NF1: variants seen among roughly 807,000 people sequenced by gnomAD.
NF1 encodes the protein neurofibromin 1.
Under a neutral mutation model 325.7 loss-of-function variants are expected in NF1, and 122 were observed. The ratio of observed to expected loss-of-function variants is 0.37; its 90% CI spans 0.32 to 0.44. The LOEUF (loss-of-function observed/expected upper bound fraction) is 0.44. Among genes scored for constraint, NF1 ranks in the 20% least tolerant of loss-of-function variants. The pLI, the probability that NF1 is intolerant of heterozygous loss-of-function variation, is 1.00. For synonymous variants in NF1, 1,091 were observed against 1,186.0 expected (o/e 0.92, Z 1.65); for missense variants, 2,140 against 3,415.4 (o/e 0.63, Z 9.31).
At chr17:31,319,737 T>G (rs2069128851) in intron 36 of NF1, among the ~76,000 whole-genome samples, 1 of 142,040 alleles carries the variant, frequency 7.0e-6, no homozygotes, top group Admixed American at 7.2e-5. Context: ...ACCAGTTTTC[T>G]CAACCTAAAA....
At chr17:31,143,193 A>G (rs907282574) in intron 1 of NF1, among the ~76,000 whole-genome samples, 1 of 152,060 alleles carries the variant, frequency 6.6e-6, no homozygotes, top group African/African-American at 2.4e-5. Context: ...TTATTAAATT[A>G]TTCTTTAGTA....
At chr17:31,288,295 T>G (rs2151491987) in intron 36 of NF1, among the ~76,000 whole-genome samples, 1 of 152,218 alleles carries the variant, frequency 6.6e-6, no homozygotes, top group Non-Finnish European at 1.5e-5. Context: ...TCTTAACAGT[T>G]GATCTTCTTA....
intron 36 of NF1, among the ~76,000 whole-genome samples, chr17:31,265,569 T>A (rs2067772263): frequency 6.6e-6 from 1 of 151,972 alleles, no homozygotes. Flanking sequence ...CTACATCATT[T>A]TTTAAAATAC....
intron 36 of NF1, among the ~76,000 whole-genome samples, chr17:31,273,342 C>T (rs2067939890): frequency 6.6e-6 from 1 of 152,124 alleles, no homozygotes. Context: ...CAATAACAAA[C>T]TAGAGAAGTT....
chr17:31,358,555 T>A lies in NF1; in HGVS notation c.8046T>A (p.His2682Gln), dbSNP rs1184642602. The A allele has an allele frequency of 6.2e-7, 1 of 1,614,018 alleles. No individual in the cohort carries two copies. ...CQDPNLLNPI[H>Q]GIVQSVVYHE... Reference sequence around the variant, plus strand: ...ATCCAAATTTGTTAAATCCAATCCATGGAATTGTGCAGAGTGTGGTGTACC... The same window carrying A: ...ATCCAAATTTGTTAAATCCAATCCAAGGAATTGTGCAGAGTGTGGTGTACC... The change falls in exon 55 of 58, where the codon CAT (histidine) becomes CAA (glutamine). Residue 2682 changes from histidine (H) to glutamine (Q), a missense_variant. By Grantham distance (24) the His-to-Gln change is conservative. Coordinates refer to ENST00000358273, the MANE Select transcript of NF1 (RefSeq NM_001042492.3).
At chr17:31,225,405 T>G (rs1213951638) in intron 17 of NF1, among the ~76,000 whole-genome samples, 155 bp downstream of exon 17, 1 of 152,180 alleles carries the variant, frequency 6.6e-6, no homozygotes, top group East Asian at 1.9e-4. Flanking sequence ...TTTGGGCAAG[T>G]TCTTAACATC....
intron 3 of NF1, among the ~76,000 whole-genome samples, chr17:31,161,937 GAGGC>G (rs2065767737): frequency 6.7e-6 from 1 of 148,998 alleles, no homozygotes; most frequent in South Asian, 2.1e-4. Context: ...TTGGGAGGCT[GAGGC>G]AGGAGAACCA....
chr17:31,324,553 C>T (rs989309957), intron 36 of NF1, among the ~76,000 whole-genome samples: 1 of 151,956 alleles, frequency 6.6e-6, no homozygotes, highest in Non-Finnish European at 1.5e-5. Flanking sequence ...TCTAACAATA[C>T]ATATATTATT....
At chr17:31,207,204 G>A (rs2066639974) in intron 12 of NF1, among the ~76,000 whole-genome samples, 1 of 152,076 alleles carries the variant, frequency 6.6e-6, no homozygotes, top group Non-Finnish European at 1.5e-5. Flanking sequence ...CTGTAAGTAT[G>A]ACCCATTGTA....
intron 36 of NF1, among the ~76,000 whole-genome samples, chr17:31,313,174 A>C (rs1422778599): frequency 6.6e-6 from 1 of 152,168 alleles, no homozygotes; most frequent in Non-Finnish European, 1.5e-5. Flanking sequence ...TTTTCTTTCT[A>C]AATTAAGTGA....
Position 31,217,067 on chromosome 17 carries a change from C to T in NF1, c.1528-1938C>T, listed in dbSNP as rs367732074. ...CTGATTATTTCATTGATGATATCTT[C>T]CCCCATGAGACTACATGCTCATGGA... On this transcript the variant is annotated intron_variant, in intron 13 of 57. Coordinates refer to ENST00000358273, the MANE Select transcript of NF1 (RefSeq NM_001042492.3). Among the ~76,000 whole-genome samples, 673 of 152,198 alleles carry T rather than the reference C, an allele frequency of 4.4e-3. 10 individuals are homozygous for T. The highest frequency in any genetic ancestry group is 0.017 in the Middle Eastern group (5 of 294).
intron 11 of NF1, among the ~76,000 whole-genome samples, chr17:31,205,978 G>A (rs1047727968): frequency 2.6e-5 from 4 of 151,352 alleles, no homozygotes; most frequent in South Asian, 2.1e-4. Flanking sequence ...GCTAATCATC[G>A]AGAAAAGATG....
At chr17:31,273,475 T>G (rs1046366274) in intron 36 of NF1, 2 of 152,372 alleles carry the variant, frequency 1.3e-5, no homozygotes, top group African/African-American at 4.8e-5. Context: ...AACTTAAGTC[T>G]GTGACTTAAA....
At chr17:31,217,696 C>T (rs1055259699) in intron 13 of NF1, among the ~76,000 whole-genome samples, 29 of 151,624 alleles carry the variant, frequency 1.9e-4, no homozygotes, top group African/African-American at 2.4e-5. Context: ...AGGGCGTGGT[C>T]GCTCACATCT....
At chr17:31,265,488 G>A (rs930376215) in intron 36 of NF1, 149 bp downstream of exon 36, 26 of 628,090 alleles carry the variant, frequency 4.1e-5, no homozygotes, top group African/African-American at 3.0e-4. Context: ...AATAGCCTGC[G>A]TTTCCTAAAA....
intron 36 of NF1, among the ~76,000 whole-genome samples, chr17:31,308,632 G>A (rs971923385): frequency 3.7e-5 from 4 of 108,592 alleles, no homozygotes; most frequent in Non-Finnish European, 9.7e-5. Flanking sequence ...TCTCAAGGGT[G>A]TTCTTTTTTT....
chr17:31,285,277 T>TAAA (rs36047376), intron 36 of NF1, among the ~76,000 whole-genome samples: 4,217 of 120,750 alleles, frequency 0.035, 255 homozygotes, highest in African/African-American at 0.12. Flanking sequence ...AGATTCTGTT[T>TAAA]AAAAAAAAAA....
intron 30 of NF1, chr17:31,250,216 G>T: frequency 3.1e-6 from 1 of 321,224 alleles, no homozygotes; most frequent in Non-Finnish European, 6.0e-6. Context: ...GGAAACTTAG[G>T]AAAATCCTGT....
chr17:31,148,394 CTTTT>C (rs71142023), intron 1 of NF1, among the ~76,000 whole-genome samples: 1 of 134,420 alleles, frequency 7.4e-6, no homozygotes, highest in Non-Finnish European at 1.6e-5. Flanking sequence ...GTCATTATGT[CTTTT>C]TTTTTTTTTT....
Sources: allele counts gnomAD v4.1 joint callset (sites outside exome capture counted in the v4.1 genomes callset), GRCh38; gene constraint gnomAD v4.1.1; transcripts MANE v1.5; gene names NCBI Gene and HGNC (gene_info 2026-07-23, HGNC 2026-07-21).